ATP6V1C2: variants seen among roughly 807,000 people sequenced by gnomAD.
The protein encoded by ATP6V1C2 is ATPase H+ transporting V1 subunit C2.
ATP6V1C2 carries 45 observed loss-of-function variants against 56.8 expected under a neutral mutation model. That is an observed-to-expected ratio of 0.79 (90% CI 0.62 to 1.02). ATP6V1C2 has a LOEUF of 1.02. ATP6V1C2 is among the 50% of genes least tolerant of loss of function. ATP6V1C2 has a pLI of 0.00. For synonymous variants in ATP6V1C2, 220 were observed against 201.3 expected (o/e 1.09, Z -0.79); for missense variants, 463 against 519.7 (o/e 0.89, Z 1.06).
chr2:10,773,391 T>C (rs114962345), intron 8 of ATP6V1C2, among the ~76,000 whole-genome samples: 3,989 of 152,272 alleles, frequency 0.026, 180 homozygotes, highest in African/African-American at 0.091. Context: ...CTGCGCGTTT[T>C]CCTTTTTTTG....
Position 10,774,870 on chromosome 2 carries a change from A to G in ATP6V1C2, c.721A>G (p.Lys241Glu). 6.2e-7 allele frequency: 1 copy of G among 1,614,216 alleles called. No homozygotes were observed. The highest frequency in any genetic ancestry group is 8.5e-7 in the Non-Finnish European group (1 of 1,180,022). ...KVIEDFKTKA[K>E]ENKFTVREFY... is the part of the protein sequence containing the mutation. ...GATTGAAGATTTCAAAACCAAGGCC[A>G]AAGAAAACAAGTAAGGGTCCTCCAG... The change falls in exon 9 of 14, where the codon AAA becomes GAA. Residue 241 changes from lysine (K) to glutamate (E), a missense_variant. Lys to Glu is a moderately conservative substitution (Grantham distance 56). Coordinates refer to ENST00000272238, the MANE Select transcript of ATP6V1C2 (RefSeq NM_001039362.2).
At chr2:10,727,576 A>G (rs924131511) in intron 3 of ATP6V1C2, among the ~76,000 whole-genome samples, 8 of 151,912 alleles carry the variant, frequency 5.3e-5, no homozygotes, top group Non-Finnish European at 8.8e-5. Flanking sequence ...ACAAAAACCC[A>G]AAGTACAAAA....
chr2:10,726,382 G>T, intron 2 of ATP6V1C2, 120 bp from the exon 3 acceptor site: 1 of 773,738 alleles, frequency 1.3e-6, no homozygotes, highest in Non-Finnish European at 2.3e-6. Flanking sequence ...TTTCCACTTT[G>T]GCCATTGACC....
At chr2:10,745,011 A>G (rs983075081) in intron 3 of ATP6V1C2, among the ~76,000 whole-genome samples, 3 of 133,572 alleles carry the variant, frequency 2.2e-5, no homozygotes, top group Non-Finnish European at 4.9e-5. Flanking sequence ...ATGTATTTTT[A>G]TCATTTATTA....
Position 10,782,135 on chromosome 2 carries a change from TGTTG to T in ATP6V1C2, c.1062-103_1062-100del, listed in dbSNP as rs1365785450. 2.9e-5 allele frequency: 38 copies of T among 1,310,198 alleles called. No individual in the cohort carries two copies. In the Middle Eastern group the frequency reaches 8.8e-4, roughly 30 times the overall value. 81.2% of individuals were successfully genotyped at this position (1,310,198 alleles called of 1,614,324 possible). On this transcript the variant is annotated intron_variant, in intron 12 of 13. Transcript: ENST00000272238. ...GCTCGAGTTTGACTTTATGAAGCTG[TGTTG>T]GTTGAAGCTTTTCACCCTCGGAATG...
Position 10,774,815 on chromosome 2 carries a change from C to A in ATP6V1C2, c.666C>A (p.Gly222=), listed in dbSNP as rs201869722. The A allele has an allele frequency of 6.8e-6, 11 of 1,614,136 alleles. No individual in the cohort carries two copies. The East Asian group carries it at 2.2e-4, about 33-fold the overall frequency. Residue 222 remains glycine (G), a synonymous_variant, in exon 9 of 14, where the codon GGC becomes GGA. Transcript: ENST00000272238. ...TKLITEDKEG[G]LFTVTLFRKV... The stretch of plus-strand genomic sequence containing the variant: ...TCATTACTGAGGACAAGGAAGGGGG[C>A]CTTTTCACTGTGACTCTGTTTCGAA...
intron 5 of ATP6V1C2, among the ~76,000 whole-genome samples, chr2:10,765,852 C>T (rs1664185429): frequency 6.6e-6 from 1 of 152,140 alleles, no homozygotes; most frequent in Non-Finnish European, 1.5e-5. Context: ...CCCTGGAGCA[C>T]ATGGAGGGAG....
intron 1 of ATP6V1C2, 34 bp from the exon 2 acceptor site, chr2:10,722,790 T>G (rs747060427): frequency 1.9e-6 from 3 of 1,597,782 alleles, no homozygotes; most frequent in Non-Finnish European, 2.6e-6. Context: ...TCCTTCTGTT[T>G]CTGTTTGTGT....
intron 4 of ATP6V1C2, among the ~76,000 whole-genome samples, chr2:10,761,025 G>A (rs970758917): frequency 1.3e-5 from 2 of 152,224 alleles, no homozygotes; most frequent in Non-Finnish European, 2.9e-5. Context: ...AGACCAGTGA[G>A]TCACAGTCTC....
Position 10,763,502 on chromosome 2 carries a change from A to T in ATP6V1C2, c.284-829A>T, listed in dbSNP as rs114673919. ...GTGATGGGTGTGGAGTGAGCGTGACAGTCCCCTTTCATGCACCAGGATAGA... is the reference window on the plus strand; with the variant it reads ...GTGATGGGTGTGGAGTGAGCGTGACTGTCCCCTTTCATGCACCAGGATAGA... On this transcript the variant is annotated intron_variant, in intron 4 of 13. Transcript: ENST00000272238. This position sits in a 1 kb window ranked among gnomAD's most constrained non-coding sequence, Gnocchi z 4.2. Among the ~76,000 whole-genome samples, 1 of 152,054 alleles carries T rather than the reference A, an allele frequency of 6.6e-6. No homozygotes were observed. Among genetic ancestry groups the T allele is most frequent in the African/African-American group, 2.4e-5 (1 of 41,402 alleles).
chr2:10,726,129 A>G (rs1217161998), intron 2 of ATP6V1C2, among the ~76,000 whole-genome samples: 3 of 152,114 alleles, frequency 2.0e-5, no homozygotes, highest in African/African-American at 7.2e-5. Flanking sequence ...TGGAGCAGAA[A>G]AGCTTTTAGG....
chr2:10,726,564 T>C lies in ATP6V1C2; in HGVS notation c.192T>C (p.Ala64=). The change falls in exon 3 of 14, where the codon GCT becomes GCC. Residue 64 remains alanine (A), a synonymous_variant. Coordinates refer to ENST00000272238, the MANE Select transcript of ATP6V1C2 (RefSeq NM_001039362.2). ...SDELGKLDTF[A]ESLIRRMAQS... ...AGTTGGGGAAACTCGACACCTTTGC[T>C]GAAAGGTAAAATATTCCTTATTTAC... 1 of 1,612,002 alleles carries C rather than the reference T, an allele frequency of 6.2e-7. No individual in the cohort carries two copies. Among genetic ancestry groups the C allele is most frequent in the Non-Finnish European group, 8.5e-7 (1 of 1,178,032 alleles).
At chr2:10,772,440 C>A in intron 7 of ATP6V1C2, 102 bp from the exon 8 acceptor site, 1 of 985,946 alleles carries the variant, frequency 1.0e-6, no homozygotes, top group Non-Finnish European at 1.6e-6. Context: ...TCCCTGCTCA[C>A]CTTCAGGCCT....
chr2:10,761,816 C>T (rs1046312744), intron 4 of ATP6V1C2, among the ~76,000 whole-genome samples: 1 of 152,234 alleles, frequency 6.6e-6, no homozygotes, highest in Non-Finnish European at 1.5e-5. Context: ...GAGGTACTCT[C>T]GTCAACAGGC....
intron 12 of ATP6V1C2, 53 bp downstream of exon 12, chr2:10,778,722 G>A: frequency 1.3e-6 from 2 of 1,578,190 alleles, no homozygotes; most frequent in South Asian, 2.2e-5. Flanking sequence ...GGCAGGGTCT[G>A]GGGGAGCTAT....
chr2:10,763,513 A>G lies in ATP6V1C2; in HGVS notation c.284-818A>G, dbSNP rs186207381. On this transcript the variant is annotated intron_variant, in intron 4 of 13. Transcript: ENST00000272238. The surrounding 1 kb of genome is among the most constrained non-coding windows in gnomAD (Gnocchi z 4.2). ...GGAGTGAGCGTGACAGTCCCCTTTC[A>G]TGCACCAGGATAGACCAGGAAGTGT... Among the ~76,000 whole-genome samples the G allele has an allele frequency of 9.9e-5, 15 of 152,152 alleles. No homozygotes were observed. The East Asian group carries it at 2.3e-3, about 24-fold the overall frequency.
intron 3 of ATP6V1C2, among the ~76,000 whole-genome samples, chr2:10,743,004 T>G (rs1188850801): frequency 1.3e-5 from 2 of 152,198 alleles, no homozygotes; most frequent in Non-Finnish European, 2.9e-5. Flanking sequence ...TTACCCAATT[T>G]CTTCCCTTGG....
intron 3 of ATP6V1C2, among the ~76,000 whole-genome samples, chr2:10,747,316 C>T (rs1238722011): frequency 1.3e-5 from 2 of 152,112 alleles, no homozygotes; most frequent in East Asian, 1.9e-4. Flanking sequence ...TTTTCATATA[C>T]TTTTACCACA....
At chr2:10,782,438 G>GT (rs1324959060) in intron 13 of ATP6V1C2, 63 bp downstream of exon 13, 3 of 1,569,472 alleles carry the variant, frequency 1.9e-6, no homozygotes, top group Non-Finnish European at 2.6e-6. Context: ...CAAAAAACTG[G>GT]TATCTGCCTG....
Sources: allele counts gnomAD v4.1 joint callset (sites outside exome capture counted in the v4.1 genomes callset), GRCh38; gene constraint gnomAD v4.1.1; non-coding constraint Gnocchi (gnomAD v3.1); transcripts MANE v1.5; gene names NCBI Gene and HGNC (gene_info 2026-07-23, HGNC 2026-07-21).